NOX4: variants seen among roughly 807,000 people sequenced by gnomAD.
NOX4 encodes kidney oxidase-1.
NOX4 carries 69 observed loss-of-function variants against 87.6 expected under a neutral mutation model. That is an observed-to-expected ratio of 0.79 (90% CI 0.65 to 0.96). The LOEUF (loss-of-function observed/expected upper bound fraction) is 0.96, where lower values mean the gene tolerates loss of function less well. Ranked by LOEUF, NOX4 falls within the 40% of genes least tolerant of loss-of-function variation. NOX4 has a pLI of 0.00. For synonymous variants in NOX4, 275 were observed against 238.2 expected (o/e 1.15, Z -1.42); for missense variants, 680 against 681.5 (o/e 1.00, Z 0.02).
intron 7 of NOX4, among the ~76,000 whole-genome samples, chr11:89,429,330 G>C (rs552411018): frequency 6.6e-6 from 1 of 152,174 alleles, no homozygotes; most frequent in East Asian, 1.9e-4. Flanking sequence ...ACATTCAAAA[G>C]CTAGCAGAAG....
At chr11:89,536,133 CTTTTCTT>C in the NOX4 span, among the ~76,000 whole-genome samples, 1 of 134,752 alleles carries the variant, frequency 7.4e-6, no homozygotes, top group South Asian at 2.3e-4. Flanking sequence ...TGATCTGGTC[CTTTTCTT>C]TTTTTTTTTT....
chr11:89,487,479 C>T (rs993134297), intron 2 of NOX4, among the ~76,000 whole-genome samples: 24 of 152,070 alleles, frequency 1.6e-4, no homozygotes, highest in African/African-American at 5.3e-4. Flanking sequence ...ATTTCACAGA[C>T]GAATGACAGC....
chr11:89,560,961 CGTCTCTCTCTCT>C, the NOX4 span, among the ~76,000 whole-genome samples: 12 of 52,542 alleles, frequency 2.3e-4, no homozygotes, highest in East Asian at 3.2e-3. Context: ...CATCTCATCT[CGTCTCTCTCTCT>C]CTCTCTCTCT....
chr11:89,432,853 G>C lies in NOX4; in HGVS notation c.479C>G (p.Pro160Arg). The C allele has an allele frequency of 1.2e-6, 2 of 1,607,950 alleles. No individual in the cohort carries two copies. The highest frequency in any genetic ancestry group is 1.7e-6 in the Non-Finnish European group (2 of 1,175,474). Residue 160 changes from proline (P) to arginine (R), a missense_variant, in exon 7 of 18, where the codon CCT becomes CGT. Physicochemically the swap from Pro to Arg is moderately radical, Grantham distance 103. Transcript: ENST00000263317. Reference protein sequence around the residue: ...DPRKLLFTTVPGLTGVCMVVV... With the variant: ...DPRKLLFTTVRGLTGVCMVVV... ...CACCATGCAGACCCCTGTCAGGCCAGGAACTATAAAAATGTATACAAGTAG... is the reference window on the plus strand; with the variant it reads ...CACCATGCAGACCCCTGTCAGGCCACGAACTATAAAAATGTATACAAGTAG...
chr11:89,511,737 T>C, the NOX4 span, among the ~76,000 whole-genome samples: 2 of 133,060 alleles, frequency 1.5e-5, no homozygotes, highest in Non-Finnish European at 3.2e-5. Context: ...ATCACTTAAA[T>C]TATTTTTCAG....
At chr11:89,416,602 C>G (rs574760572) in intron 8 of NOX4, among the ~76,000 whole-genome samples, 442 of 152,296 alleles carry the variant, frequency 2.9e-3, no homozygotes, top group Non-Finnish European at 4.6e-3. Flanking sequence ...CCCACAATAT[C>G]TGTCTAACCC....
chr11:89,373,994 T>C (rs1323398027), intron 11 of NOX4, among the ~76,000 whole-genome samples: 1 of 151,984 alleles, frequency 6.6e-6, no homozygotes, highest in Non-Finnish European at 1.5e-5. Flanking sequence ...CCTCCCTTAA[T>C]TCTCAGAAGA....
intron 2 of NOX4, among the ~76,000 whole-genome samples, chr11:89,466,455 A>T (rs1314803338): frequency 2.0e-5 from 3 of 152,354 alleles, no homozygotes; most frequent in South Asian, 2.1e-4. Flanking sequence ...ACAGTCTAAA[A>T]AATGCAGGCA....
chr11:89,436,990 A>G (rs1462576809), intron 6 of NOX4, among the ~76,000 whole-genome samples: 2 of 152,122 alleles, frequency 1.3e-5, no homozygotes, highest in African/African-American at 2.4e-5. Flanking sequence ...CCATTGAAAA[A>G]AATTCCAACA....
intron 2 of NOX4, among the ~76,000 whole-genome samples, chr11:89,469,042 A>G (rs1945819781): frequency 6.6e-6 from 1 of 152,154 alleles, no homozygotes; most frequent in Admixed American, 6.5e-5. Flanking sequence ...AAAGCTTTAC[A>G]TTTATGTTTT....
intron 2 of NOX4, among the ~76,000 whole-genome samples, chr11:89,452,726 A>AT (rs923684644): frequency 4.0e-5 from 6 of 151,886 alleles, no homozygotes; most frequent in African/African-American, 1.2e-4. Flanking sequence ...TTATTTTTTA[A>AT]TTTTTTTGAG....
intron 6 of NOX4, among the ~76,000 whole-genome samples, chr11:89,438,443 A>T (rs1404123975): frequency 9.3e-6 from 1 of 107,292 alleles, no homozygotes; most frequent in Non-Finnish European, 1.7e-5. Context: ...TATACTATGT[A>T]TATTATATAA....
the NOX4 span, among the ~76,000 whole-genome samples, chr11:89,560,135 G>A: frequency 3.3e-5 from 5 of 152,084 alleles, no homozygotes; most frequent in Admixed American, 6.6e-5. Flanking sequence ...ACACACACAC[G>A]TACATAAAAG....
the NOX4 span, among the ~76,000 whole-genome samples, chr11:89,568,031 G>C: frequency 5.3e-5 from 8 of 152,170 alleles, no homozygotes; most frequent in Non-Finnish European, 8.8e-5. Flanking sequence ...AACATCTCTA[G>C]CACCTCCAGC....
chr11:89,402,363 C>A lies in NOX4; in HGVS notation c.809G>T (p.Cys270Phe). 1.2e-6 allele frequency: 2 copies of A among 1,613,138 alleles called. No individual in the cohort carries two copies. The highest frequency in any genetic ancestry group is 1.7e-6 in the Non-Finnish European group (2 of 1,179,612). The change falls in exon 9 of 18, where the codon TGT becomes TTT. Residue 270 changes from cysteine (C) to phenylalanine (F), a missense_variant. Transcript: ENST00000263317. ...EFTQHKFVKI[C>F]MEEPRFQANF... is the part of the protein sequence containing the mutation. ...AGCTTGGAATCTGGGCTCTTCCATA[C>A]AAATCTTCACAAATTTGTGCTGGGT...
chr11:89,458,867 T>C (rs950786786), intron 2 of NOX4, among the ~76,000 whole-genome samples: 1 of 152,156 alleles, frequency 6.6e-6, no homozygotes, highest in Admixed American at 6.6e-5. Flanking sequence ...GAATGTGAAT[T>C]AGATCAGCCC....
chr11:89,362,161 CACACAG>C (rs1277173830), intron 12 of NOX4, among the ~76,000 whole-genome samples: 1 of 142,682 alleles, frequency 7.0e-6, no homozygotes, highest in East Asian at 2.0e-4. Context: ...TTTTACATTA[CACACAG>C]ACACAGACAC....
chr11:89,588,599 G>A, the NOX4 span, among the ~76,000 whole-genome samples: 2 of 152,182 alleles, frequency 1.3e-5, no homozygotes, highest in Non-Finnish European at 2.9e-5. Flanking sequence ...TCACCTGGGT[G>A]TATGCTGCAG....
At chr11:89,478,017 C>A (rs912252454) in intron 2 of NOX4, among the ~76,000 whole-genome samples, 3 of 152,054 alleles carry the variant, frequency 2.0e-5, no homozygotes, top group Non-Finnish European at 4.4e-5. Flanking sequence ...AAATAAATTT[C>A]AACTTCAAAA....
Sources: gnomAD v4.1 joint callset for allele counts (sites outside exome capture counted in the v4.1 genomes callset) on GRCh38, gnomAD v4.1.1 for gene constraint, MANE v1.5 for transcripts, NCBI Gene and HGNC (gene_info 2026-07-23, HGNC 2026-07-21) for gene names.